Variants in ATXN1 observed in about 807,000 individuals in gnomAD.
ATXN1 encodes the protein ataxin-1.
Under a neutral mutation model 56.4 loss-of-function variants are expected in ATXN1, and 8 were observed. The observed-to-expected ratio is 0.14, with a 90% CI of 0.08 to 0.26. The LOEUF is 0.26. Among genes scored for constraint, ATXN1 ranks in the 10% least tolerant of loss-of-function variants. The pLI, the probability that ATXN1 is intolerant of heterozygous loss-of-function variation, is 1.00. For missense variants in ATXN1, 987 were observed against 1,106.5 expected (o/e 0.89, Z 1.53); for synonymous variants, 514 against 494.6 (o/e 1.04, Z -0.52).
chr6:16,619,756 C>T (rs1157648845), intron 3 of ATXN1, among the ~76,000 whole-genome samples: 2 of 151,982 alleles, frequency 1.3e-5, no homozygotes, highest in African/African-American at 4.8e-5. Flanking sequence ...CAAATCATAG[C>T]TCTATAGCCA....
chr6:16,328,488 G>A lies in ATXN1; in HGVS notation c.-160-18C>T. ...TCTGGATGCTGGGAAAGGGAAGAGG[G>A]CAGTGACAAAGGGAAAAGGAAAGGG... On this transcript the variant is annotated intron_variant, in intron 6 of 7. Coordinates refer to ENST00000436367, the MANE Select transcript of ATXN1 (RefSeq NM_001128164.2). The surrounding 1 kb of genome is among the most constrained non-coding windows in gnomAD (Gnocchi z 6.2). 8.5e-7 allele frequency: 1 copy of A among 1,180,214 alleles called. No individual in the cohort carries two copies. The highest frequency in any genetic ancestry group is 1.1e-6 in the Non-Finnish European group (1 of 915,990). The allele number at this position is 1,180,214 out of a possible 1,614,324, so 73.1% of individuals were successfully genotyped here. A position where few individuals can be genotyped will look rare whatever the true frequency, so the allele number is the denominator to read the frequency against.
At chr6:16,728,551 C>T (rs1759899757) in intron 2 of ATXN1, among the ~76,000 whole-genome samples, 1 of 152,158 alleles carries the variant, frequency 6.6e-6, no homozygotes, top group South Asian at 2.1e-4. Context: ...CACCCATATG[C>T]CTGGTATTTT....
intron 2 of ATXN1, chr6:16,738,500 T>C (rs1340599119): frequency 6.6e-6 from 1 of 152,242 alleles, no homozygotes; most frequent in Non-Finnish European, 1.5e-5. Flanking sequence ...CTTTATTATA[T>C]ACATATTCAT....
chr6:16,661,070 C>T (rs1249401849), intron 2 of ATXN1, among the ~76,000 whole-genome samples: 3 of 151,698 alleles, frequency 2.0e-5, no homozygotes, highest in African/African-American at 7.3e-5. Context: ...AACTCCTGAC[C>T]TCGTGATTCA....
At chr6:16,706,740 AGG>A (rs1383903240) in intron 2 of ATXN1, among the ~76,000 whole-genome samples, 5 of 146,254 alleles carry the variant, frequency 3.4e-5, no homozygotes, top group Non-Finnish European at 6.0e-5. Context: ...AAAAAAAAAA[AGG>A]AAGAAAGAAA....
chr6:16,442,134 G>A (rs528401336), intron 6 of ATXN1, among the ~76,000 whole-genome samples: 13 of 152,242 alleles, frequency 8.5e-5, no homozygotes, highest in South Asian at 4.2e-4. Context: ...AGTGTCACCC[G>A]ATTTTTCAAG....
At chr6:16,744,881 C>T (rs1229381686) in intron 2 of ATXN1, among the ~76,000 whole-genome samples, 1 of 152,178 alleles carries the variant, frequency 6.6e-6, no homozygotes, top group Non-Finnish European at 1.5e-5. Flanking sequence ...CAAAAAGCAT[C>T]ATCACTGAAA....
intron 7 of ATXN1, among the ~76,000 whole-genome samples, chr6:16,311,136 TCAAG>T (rs1469142592): frequency 6.6e-6 from 1 of 152,210 alleles, no homozygotes. Context: ...CTACTCTCTG[TCAAG>T]CTCTCAGGTA....
chr6:16,551,206 C>T (rs760047671), intron 4 of ATXN1, among the ~76,000 whole-genome samples: 1 of 152,176 alleles, frequency 6.6e-6, no homozygotes, highest in African/African-American at 2.4e-5. Context: ...CGGATCCCAG[C>T]GCTGTGAAGG....
intron 2 of ATXN1, among the ~76,000 whole-genome samples, chr6:16,731,449 C>CTTTTTTTTT (rs1250658347): frequency 7.3e-5 from 3 of 41,070 alleles, no homozygotes; most frequent in African/African-American, 1.8e-4. Context: ...CTTTTTTTTT[C>CTTTTTTTTT]TTTTCTTTTT....
chr6:16,643,799 A>T (rs1763753054), intron 3 of ATXN1, among the ~76,000 whole-genome samples: 1 of 152,152 alleles, frequency 6.6e-6, no homozygotes, highest in South Asian at 2.1e-4. Flanking sequence ...TTTGTTTGAT[A>T]AATGTTATTC....
chr6:16,478,344 C>T (rs1395056884), intron 6 of ATXN1, among the ~76,000 whole-genome samples: 2 of 152,166 alleles, frequency 1.3e-5, no homozygotes, highest in Non-Finnish European at 2.9e-5. Flanking sequence ...CTGACATTTG[C>T]ACCTTTAATT....
At chr6:16,564,649 G>GC (rs957684625) in intron 4 of ATXN1, among the ~76,000 whole-genome samples, 21 of 152,316 alleles carry the variant, frequency 1.4e-4, no homozygotes, top group African/African-American at 3.8e-4. Flanking sequence ...GGAATGTCTA[G>GC]AACAAGCAAA....
intron 6 of ATXN1, among the ~76,000 whole-genome samples, chr6:16,334,527 A>G (rs1761070866): frequency 6.6e-6 from 1 of 152,060 alleles, no homozygotes; most frequent in Non-Finnish European, 1.5e-5. Flanking sequence ...GCCAGCCTGG[A>G]CAACATATCG....
At chr6:16,755,369 T>C (rs1417487587) in intron 1 of ATXN1, among the ~76,000 whole-genome samples, 1 of 152,116 alleles carries the variant, frequency 6.6e-6, no homozygotes, top group Non-Finnish European at 1.5e-5. Context: ...CAGAAAATAA[T>C]TTATAGGACA....
At position 16,300,561 on chromosome 6, in the gene ATXN1, A is replaced by T. The variant is rs1330662682; in HGVS notation, c.*5768T>A. On this transcript the variant is annotated 3_prime_UTR_variant, in exon 8 of 8. Coordinates refer to ENST00000436367, the MANE Select transcript of ATXN1 (RefSeq NM_001128164.2). ...GCTCCGTATTTATTCTGGCCTCTTT[A>T]TATTAAATAAAAATCAAAATAAAAC... The T allele has an allele frequency of 6.6e-6, 1 of 152,304 alleles. No homozygotes were observed. The highest frequency in any genetic ancestry group is 2.4e-5 in the African/African-American group (1 of 41,456). 9.4% of individuals were successfully genotyped at this position (152,304 alleles called of 1,614,324 possible). A position where few individuals can be genotyped will look rare whatever the true frequency, so the allele number is the denominator to read the frequency against.
chr6:16,725,472 C>CAA (rs1250580384), intron 2 of ATXN1, among the ~76,000 whole-genome samples: 1 of 152,178 alleles, frequency 6.6e-6, no homozygotes, highest in East Asian at 1.9e-4. Flanking sequence ...AACACTCTCC[C>CAA]ATTCAATTCA....
At chr6:16,423,718 G>C (rs1042073115) in intron 6 of ATXN1, among the ~76,000 whole-genome samples, 2 of 152,162 alleles carry the variant, frequency 1.3e-5, no homozygotes, top group African/African-American at 4.8e-5. Flanking sequence ...GAAGCTTTGT[G>C]AGTGGACAGA....
intron 3 of ATXN1, among the ~76,000 whole-genome samples, chr6:16,612,642 C>T (rs1763130413): frequency 6.6e-6 from 1 of 151,732 alleles, no homozygotes; most frequent in South Asian, 2.1e-4. Context: ...CTTTGTAATC[C>T]CAGCACTTTG....
Sources: allele counts gnomAD v4.1 joint callset (sites outside exome capture counted in the v4.1 genomes callset), GRCh38; gene constraint gnomAD v4.1.1; non-coding constraint Gnocchi (gnomAD v3.1); transcripts MANE v1.5; gene names NCBI Gene and HGNC (gene_info 2026-07-23, HGNC 2026-07-21).